Variants in AGMO observed in about 807,000 individuals in gnomAD.
AGMO encodes alkylglycerol monooxygenase.
A neutral mutation model predicts 60.2 loss-of-function variants in AGMO; 75 were observed. The observed-to-expected ratio is 1.25, with a 90% CI of 1.03 to 1.51. The LOEUF (loss-of-function observed/expected upper bound fraction) is 1.51, where lower values mean the gene tolerates loss of function less well. AGMO is among the 40% of genes most tolerant of loss of function. The pLI is 0.00. For missense variants in AGMO, 763 were observed against 525.5 expected (o/e 1.45, Z -4.42); for synonymous variants, 261 against 177.1 (o/e 1.47, Z -3.76).
intron 3 of AGMO, among the ~76,000 whole-genome samples, chr7:15,543,837 G>A (rs565202060): frequency 4.1e-4 from 62 of 151,356 alleles, no homozygotes; most frequent in South Asian, 6.3e-4. Flanking sequence ...TGGGATTGCC[G>A]GATCAAATGG....
chr7:15,359,291 CAAA>C lies in AGMO; in HGVS notation c.1263+6220_1263+6222del, dbSNP rs398003765. 9.6e-5 allele frequency among the ~76,000 whole-genome samples: 11 copies of C among 115,114 alleles called. No homozygotes were observed. The East Asian group carries it at 1.0e-3, about 11-fold the overall frequency. The allele number at this position is 115,114 out of a possible 152,430, so 75.5% of individuals were successfully genotyped here. ...GCAACAGAGCAAGACTCCGTCTCAACAAAAAAAAAAAAAAAAGAAATTAGATTT... is the reference window on the plus strand; with the variant it reads ...GCAACAGAGCAAGACTCCGTCTCAACAAAAAAAAAAAAAGAAATTAGATTT... On this transcript the variant is annotated intron_variant, in intron 12 of 12. Transcript: ENST00000342526.
rs537352170 is a variant in AGMO, at chr7:15,354,423, C to T, written c.1263+11091G>A. ...GTGTGTGTACACACGTGTGTGTATA[C>T]ACACACGTGTGTGTATACACACGTG... On this transcript the variant is annotated intron_variant, in intron 12 of 12. Transcript: ENST00000342526. Among the ~76,000 whole-genome samples the T allele has an allele frequency of 5.8e-3, 158 of 27,442 alleles. 12 individuals are homozygous for T. Among genetic ancestry groups the T allele is most frequent in the African/African-American group, 0.01 (42 of 4,042 alleles). The allele number at this position is 27,442 out of a possible 152,430, so 18.0% of individuals were successfully genotyped here. A position where few individuals can be genotyped will look rare whatever the true frequency, so the allele number is the denominator to read the frequency against.
chr7:15,295,254 A>G (rs891969084), intron 12 of AGMO, among the ~76,000 whole-genome samples: 7 of 152,046 alleles, frequency 4.6e-5, no homozygotes, highest in Non-Finnish European at 7.4e-5. Flanking sequence ...TTAAGAATTA[A>G]TGGACCAAAA....
intron 3 of AGMO, among the ~76,000 whole-genome samples, chr7:15,536,850 C>T (rs1328457182): frequency 6.6e-6 from 1 of 151,810 alleles, no homozygotes; most frequent in East Asian, 1.9e-4. Context: ...TATGGTAACG[C>T]TAAATTTAGT....
At chr7:15,545,058 T>C in intron 2 of AGMO, 135 bp from the exon 3 acceptor site, 1 of 582,862 alleles carries the variant, frequency 1.7e-6, no homozygotes, top group East Asian at 3.6e-5. Flanking sequence ...TTGTGTCTTC[T>C]ATGTCATTCC....
chr7:15,504,147 G>A (rs900218446), intron 3 of AGMO, among the ~76,000 whole-genome samples: 1 of 151,892 alleles, frequency 6.6e-6, no homozygotes, highest in African/African-American at 2.4e-5. Context: ...TAAGGAAACT[G>A]TTTTTTAAAG....
At chr7:15,165,596 CAAGAATTT>C in the AGMO span, among the ~76,000 whole-genome samples, 2 of 152,044 alleles carry the variant, frequency 1.3e-5, no homozygotes, top group South Asian at 4.1e-4. Context: ...AAAACAAGCT[CAAGAATTT>C]TAAATAACTT....
intron 12 of AGMO, among the ~76,000 whole-genome samples, chr7:15,202,911 T>C (rs1415741914): frequency 6.6e-6 from 1 of 152,130 alleles, no homozygotes; most frequent in African/African-American, 2.4e-5. Context: ...AATGGGTTAA[T>C]GCTGAGAGGG....
At chr7:15,341,418 T>C (rs1781842874) in intron 12 of AGMO, among the ~76,000 whole-genome samples, 1 of 152,176 alleles carries the variant, frequency 6.6e-6, no homozygotes, top group Admixed American at 6.5e-5. Context: ...TTTGCTCCAG[T>C]TCCCAAGAAG....
chr7:15,230,806 T>C (rs948954365), intron 12 of AGMO, among the ~76,000 whole-genome samples: 1 of 152,114 alleles, frequency 6.6e-6, no homozygotes, highest in African/African-American at 2.4e-5. Context: ...ATGAAACTCC[T>C]AGAGCCTTTT....
the AGMO span, among the ~76,000 whole-genome samples, chr7:15,153,667 T>C: frequency 6.6e-6 from 1 of 152,180 alleles, no homozygotes; most frequent in Admixed American, 6.5e-5. Flanking sequence ...TTTGTGTTTA[T>C]TTCTGGGTTC....
At chr7:15,500,011 C>A (rs900493218) in intron 3 of AGMO, among the ~76,000 whole-genome samples, 10 of 150,688 alleles carry the variant, frequency 6.6e-5, no homozygotes, top group Non-Finnish European at 1.5e-4. Context: ...AATGTTTACA[C>A]AGATGGATAA....
At chr7:15,494,843 C>G (rs1783180339) in intron 3 of AGMO, among the ~76,000 whole-genome samples, 1 of 152,220 alleles carries the variant, frequency 6.6e-6, no homozygotes, top group Non-Finnish European at 1.5e-5. Flanking sequence ...AAAGCCGCTT[C>G]TCTCTCGCAA....
At chr7:15,119,859 C>A in the AGMO span, among the ~76,000 whole-genome samples, 2 of 151,386 alleles carry the variant, frequency 1.3e-5, no homozygotes, top group South Asian at 4.2e-4. Context: ...CATCACGTAT[C>A]TTCCAACCTC....
chr7:15,287,830 A>C (rs1053289949), intron 12 of AGMO, among the ~76,000 whole-genome samples: 6 of 152,128 alleles, frequency 3.9e-5, no homozygotes, highest in Admixed American at 2.0e-4. Flanking sequence ...ACATTACCAA[A>C]TGTTTTTCAA....
chr7:15,277,383 G>A (rs1783831761), intron 12 of AGMO, among the ~76,000 whole-genome samples: 1 of 151,992 alleles, frequency 6.6e-6, no homozygotes, highest in African/African-American at 2.4e-5. Flanking sequence ...TTTCACTTCA[G>A]TTAGGGTCTA....
intron 3 of AGMO, among the ~76,000 whole-genome samples, chr7:15,498,042 A>C (rs1167156628): frequency 6.6e-6 from 1 of 152,204 alleles, no homozygotes; most frequent in Admixed American, 6.5e-5. Flanking sequence ...CACGATAATT[A>C]GCTCGGTTCC....
At chr7:15,167,012 T>A in the AGMO span, among the ~76,000 whole-genome samples, 26 of 152,322 alleles carry the variant, frequency 1.7e-4, no homozygotes, top group East Asian at 4.2e-3. Flanking sequence ...ATTCTATTTT[T>A]ATTTTTTCCC....
rs752688754 is a variant in AGMO, at chr7:15,390,825, A to T, written c.742+15T>A. 2 of 1,596,758 alleles carry T rather than the reference A, an allele frequency of 1.3e-6. No individual in the cohort carries two copies. Among genetic ancestry groups the T allele is most frequent in the South Asian group, 2.2e-5 (2 of 89,406 alleles). On this transcript the variant is annotated intron_variant, in intron 7 of 12. Transcript: ENST00000342526. ...GAGCTGATTTAATTTTTTGATTTTA[A>T]TACATTTTACTTACCAAAAATTTTA...
Sources: allele counts gnomAD v4.1 joint callset (sites outside exome capture counted in the v4.1 genomes callset), GRCh38; gene constraint gnomAD v4.1.1; transcripts MANE v1.5; gene names NCBI Gene and HGNC (gene_info 2026-07-23, HGNC 2026-07-21).